The following SIRT3 variants were observed in gnomAD, a reference collection of about 807,000 sequenced individuals.
SIRT3 encodes NAD-dependent protein deacetylase sirtuin-3, mitochondrial.
SIRT3 carries 26 observed loss-of-function variants against 33.5 expected under a neutral mutation model. That is an observed-to-expected ratio of 0.78 (90% confidence interval 0.57 to 1.08). SIRT3 has a LOEUF of 1.08. Among genes scored for constraint, SIRT3 ranks in the 50% least tolerant of loss-of-function variants. The pLI is 0.00. For missense variants in SIRT3, 585 were observed against 530.1 expected (o/e 1.10, Z -1.02); for synonymous variants, 237 against 222.1 (o/e 1.07, Z -0.60).
Position 217,508 on chromosome 11 carries a change from G to A in SIRT3, c.1180-790C>T, listed in dbSNP as rs77980902. Among the ~76,000 whole-genome samples the A allele has an allele frequency of 6.2e-3, 938 of 152,356 alleles. 10 individuals are homozygous for A. The highest frequency in any genetic ancestry group is 0.021 in the African/African-American group (879 of 41,576). On this transcript the variant is annotated intron_variant, in intron 6 of 6. Transcript: ENST00000382743. The stretch of plus-strand genomic sequence containing the variant: ...AGGATCCCTCAAAAAAGCCTGCTGG[G>A]CTGATCTAAGATCTCCGCTGCCTTG...
At chr11:219,710 C>A (rs1856165916) in intron 5 of SIRT3, among the ~76,000 whole-genome samples, 1 of 150,500 alleles carries the variant, frequency 6.6e-6, no homozygotes, top group African/African-American at 2.5e-5. Flanking sequence ...GAAAAAAATT[C>A]AAATGGATTA....
intron 1 of SIRT3, among the ~76,000 whole-genome samples, chr11:235,620 G>T (rs1002749680): frequency 1.3e-5 from 2 of 152,166 alleles, no homozygotes; most frequent in Non-Finnish European, 2.9e-5. Flanking sequence ...TGGACCTTAA[G>T]ATTTTTTCCT....
chr11:221,701 G>T (rs1018953953), intron 5 of SIRT3, among the ~76,000 whole-genome samples: 1 of 152,198 alleles, frequency 6.6e-6, no homozygotes, highest in Admixed American at 6.5e-5. Flanking sequence ...TTCAGTTCAT[G>T]ATGGCACCAG....
rs1031028219 is a variant in SIRT3, at chr11:224,351, G to A, written c.808-112C>T. ...ACATTCTCCCCCAAAAAAGGTGAGA[G>A]AGGGATCATGAACCCCCATGTACCC... On this transcript the variant is annotated intron_variant, in intron 4 of 6. Transcript: ENST00000382743. The A allele has an allele frequency of 7.7e-5, 90 of 1,169,038 alleles. No individual in the cohort carries two copies. The Middle Eastern group carries it at 3.5e-3, about 46-fold the overall frequency. The allele number at this position is 1,169,038 out of a possible 1,614,324, so 72.4% of individuals were successfully genotyped here. A position where few individuals can be genotyped will look rare whatever the true frequency, so the allele number is the denominator to read the frequency against.
At chr11:233,706 A>G in intron 1 of SIRT3, 172 bp from the exon 2 acceptor site, 1 of 635,516 alleles carries the variant, frequency 1.6e-6, no homozygotes, top group Non-Finnish European at 2.7e-6. Context: ...GGGGTACAAC[A>G]AAAAGCAGTC....
intron 4 of SIRT3, among the ~76,000 whole-genome samples, chr11:226,674 C>T (rs1463759313): frequency 1.3e-5 from 2 of 151,798 alleles, no homozygotes; most frequent in African/African-American, 2.4e-5. Context: ...TCCCAAAGTA[C>T]TGGGATTACA....
intron 6 of SIRT3, 23 bp from the exon 7 acceptor site, chr11:216,741 T>C: frequency 6.2e-7 from 1 of 1,613,724 alleles, no homozygotes; most frequent in Non-Finnish European, 8.5e-7. Flanking sequence ...AGACAGAGGG[T>C]ATCAGCTATC....
At chr11:233,252 A>G (rs1189079463) in intron 2 of SIRT3, 37 bp from the exon 3 acceptor site, 2 of 1,606,692 alleles carry the variant, frequency 1.2e-6, no homozygotes, top group African/African-American at 1.3e-5. Flanking sequence ...GGCCTTTGGA[A>G]GAGGACAGGG....
intron 3 of SIRT3, 70 bp from the exon 4 acceptor site, chr11:230,622 T>C (rs1857821289): frequency 8.8e-7 from 1 of 1,137,932 alleles, no homozygotes; most frequent in Non-Finnish European, 1.2e-6. Flanking sequence ...AGAGCACAAC[T>C]TCTGGGCTTG....
chr11:236,389 T>TCCGCCTCCCACCCCCGCCC, upstream of SIRT3: 1 of 138,998 alleles, frequency 7.2e-6, no homozygotes, highest in Non-Finnish European at 8.6e-6. Context: ...CGGCCCCGCC[T>TCCGCCTCCCACCCCCGCCC]CCGCCTCCCA....
chr11:236,417 C>T (rs1319970139), upstream of SIRT3: 6 of 910,680 alleles, frequency 6.6e-6, no homozygotes, highest in Admixed American at 1.1e-4. Context: ...CCCCGGCGCC[C>T]CAGCCCCGCC....
chr11:219,954 C>T (rs1044421613), intron 5 of SIRT3, among the ~76,000 whole-genome samples: 2 of 151,906 alleles, frequency 1.3e-5, no homozygotes, highest in African/African-American at 2.4e-5. Context: ...CAACATATGA[C>T]AATAGTTTAT....
chr11:234,452 T>C (rs1255381313), intron 1 of SIRT3, among the ~76,000 whole-genome samples: 1 of 151,712 alleles, frequency 6.6e-6, no homozygotes, highest in African/African-American at 2.4e-5. Flanking sequence ...TCTCGCTCTG[T>C]TGCCCAGGCT....
At chr11:230,667 G>A (rs1373253863) in intron 3 of SIRT3, 115 bp from the exon 4 acceptor site, 2 of 554,038 alleles carry the variant, frequency 3.6e-6, no homozygotes, top group African/African-American at 1.9e-5. Context: ...GCCCCTTGGG[G>A]TTGTGATGTC....
chr11:227,902 G>A (rs554631062), intron 4 of SIRT3, among the ~76,000 whole-genome samples: 5 of 152,256 alleles, frequency 3.3e-5, no homozygotes, highest in Admixed American at 2.6e-4. Context: ...AATTACAGGC[G>A]TGAGCCACTG....
intron 5 of SIRT3, among the ~76,000 whole-genome samples, chr11:221,372 G>C (rs571952): frequency 6.6e-6 from 1 of 152,188 alleles, no homozygotes; most frequent in Non-Finnish European, 1.5e-5. Flanking sequence ...TGGCCTCCCA[G>C]AGTGCTGGGA....
intron 5 of SIRT3, among the ~76,000 whole-genome samples, chr11:221,825 C>G (rs56011058): frequency 0.054 from 8,175 of 151,470 alleles, 734 homozygotes; most frequent in African/African-American, 0.19. Context: ...AAACAGCAGG[C>G]TGCAGAATAG....
intron 4 of SIRT3, among the ~76,000 whole-genome samples, chr11:229,372 G>A (rs1300823015): frequency 1.3e-5 from 2 of 152,050 alleles, no homozygotes; most frequent in African/African-American, 2.4e-5. Context: ...TTGAACCCAG[G>A]AGGCGGATGG....
chr11:234,636 C>T lies in SIRT3; in HGVS notation c.282-1102G>A, dbSNP rs563052096. ...TTCACTGTGTTAGCCAGGATGGTCT[C>T]GATCTCCTGACCTCGTGATCCGCCC... On this transcript the variant is annotated intron_variant, in intron 1 of 6. Transcript: ENST00000382743. 7.9e-5 allele frequency among the ~76,000 whole-genome samples: 12 copies of T among 152,220 alleles called. No individual in the cohort carries two copies. In the South Asian group the frequency reaches 2.1e-3, roughly 26 times the overall value.
Sources: allele counts gnomAD v4.1 joint callset (sites outside exome capture counted in the v4.1 genomes callset), GRCh38; gene constraint gnomAD v4.1.1; transcripts MANE v1.5; gene names NCBI Gene and HGNC (gene_info 2026-07-23, HGNC 2026-07-21).